The following ATP8B4 variants were observed in gnomAD, a reference collection of about 807,000 sequenced individuals.
The protein encoded by ATP8B4 is ATPase phospholipid transporting 8B4 (putative), also known as probable phospholipid-transporting ATPase IM.
A neutral mutation model predicts 145.6 loss-of-function variants in ATP8B4; 133 were observed. The ratio of observed to expected loss-of-function variants is 0.91; its 90% CI spans 0.79 to 1.05. The LOEUF (loss-of-function observed/expected upper bound fraction) is 1.05. Among genes scored for constraint, ATP8B4 ranks in the 50% least tolerant of loss-of-function variants. The pLI, the probability that ATP8B4 is intolerant of heterozygous loss-of-function variation, is 0.00. For synonymous variants in ATP8B4, 507 were observed against 492.9 expected, an observed-to-expected ratio of 1.03 and a Z score of -0.38; for missense variants, 1,458 against 1,425.2, an observed-to-expected ratio of 1.02 and a Z score of -0.37.
intron 4 of ATP8B4, among the ~76,000 whole-genome samples, chr15:50,044,955 C>G (rs1274159182): frequency 3.3e-5 from 5 of 152,160 alleles, no homozygotes; most frequent in Non-Finnish European, 7.4e-5. Flanking sequence ...CACAGATGAT[C>G]ACTTTCTCCA....
intron 23 of ATP8B4, among the ~76,000 whole-genome samples, chr15:49,889,276 C>T (rs1224523807): frequency 6.6e-6 from 1 of 152,132 alleles, no homozygotes; most frequent in Non-Finnish European, 1.5e-5. Context: ...GGATCAGGAT[C>T]CTCCTCTGTA....
chr15:50,051,707 T>C (rs1355625563), intron 3 of ATP8B4, among the ~76,000 whole-genome samples: 2 of 152,164 alleles, frequency 1.3e-5, no homozygotes, highest in African/African-American at 4.8e-5. Flanking sequence ...TAATTCTGTT[T>C]TATATTTTCC....
At chr15:50,073,015 T>TACACACACAC (rs1471738032) in intron 3 of ATP8B4, among the ~76,000 whole-genome samples, 1 of 35,880 alleles carries the variant, frequency 2.8e-5, no homozygotes, top group African/African-American at 1.3e-4. Context: ...TATATATATA[T>TACACACACAC]ATATACACAC....
upstream of ATP8B4, among the ~76,000 whole-genome samples, chr15:50,120,084 G>A (rs1354295639): frequency 6.6e-6 from 1 of 152,084 alleles, no homozygotes; most frequent in Admixed American, 6.6e-5. Flanking sequence ...AGCCATCTAG[G>A]AATTTTCCAG....
chr15:50,039,642 A>G (rs1304683900), intron 5 of ATP8B4, among the ~76,000 whole-genome samples: 1 of 152,254 alleles, frequency 6.6e-6, no homozygotes, highest in Non-Finnish European at 1.5e-5. Context: ...AAATTAGCCT[A>G]CATGCACAGA....
chr15:49,874,421 CA>C (rs540774021), intron 25 of ATP8B4, among the ~76,000 whole-genome samples: 4 of 152,242 alleles, frequency 2.6e-5, no homozygotes, highest in Admixed American at 2.6e-4. Flanking sequence ...AGGAGCAGAA[CA>C]AAAGCCAGTG....
intron 1 of ATP8B4, among the ~76,000 whole-genome samples, chr15:50,144,963 A>T (rs1487078560): frequency 1.3e-5 from 2 of 152,208 alleles, no homozygotes; most frequent in Non-Finnish European, 2.9e-5. Context: ...TATCGTAGAA[A>T]ATATTTCGTT....
chr15:49,956,669 G>C (rs954688107), intron 14 of ATP8B4, among the ~76,000 whole-genome samples: 4 of 152,070 alleles, frequency 2.6e-5, no homozygotes, highest in African/African-American at 9.7e-5. Context: ...AGCCTCTCAA[G>C]TGTCTAGGAC....
chr15:50,169,192 G>A (rs2044635958), intron 1 of ATP8B4, among the ~76,000 whole-genome samples: 1 of 152,212 alleles, frequency 6.6e-6, no homozygotes, highest in South Asian at 2.1e-4. Flanking sequence ...GATGCTTCCT[G>A]GAAAGTGCCA....
intron 3 of ATP8B4, among the ~76,000 whole-genome samples, chr15:50,062,162 G>A (rs1329928940): frequency 6.6e-6 from 1 of 152,202 alleles, no homozygotes; most frequent in Non-Finnish European, 1.5e-5. Context: ...ATATTGAAAT[G>A]TAATCTCCAG....
chr15:50,046,286 TC>T (rs2051712576), intron 4 of ATP8B4, among the ~76,000 whole-genome samples: 1 of 151,792 alleles, frequency 6.6e-6, no homozygotes, highest in African/African-American at 2.4e-5. Flanking sequence ...TTTCTCTCTC[TC>T]CCCCTCCCCC....
rs2040139674 is a variant in ATP8B4 at position 49,920,314 on chromosome 15, T to G, written c.1855A>C (p.Asn619His). ...TCATCCCTCTCTTCTGTGGCAGCAT[T>G]CGCATCTTCAAGCATCTTATGCCAC... Reference protein sequence around the residue: ...KEWHKMLEDANAATEERDERI... With the variant: ...KEWHKMLEDAHAATEERDERI... Residue 619 changes from asparagine to histidine, a missense_variant, in exon 18 of 28, where the codon AAT becomes CAT. Physicochemically the swap from Asn to His is moderately conservative, Grantham distance 68 (BLOSUM62 1). Transcript: ENST00000284509. 3 of 1,614,062 alleles carry G rather than the reference T, an allele frequency of 1.9e-6. No individual in the cohort carries two copies. The East Asian group carries it at 6.7e-5, about 36-fold the overall frequency.
intron 7 of ATP8B4, among the ~76,000 whole-genome samples, chr15:50,004,827 C>A (rs1424867284): frequency 6.6e-6 from 1 of 152,126 alleles, no homozygotes; most frequent in African/African-American, 2.4e-5. Flanking sequence ...GAGTAAAAAT[C>A]TCTTTGCTTC....
chr15:49,886,927 A>G (rs2036259095), intron 23 of ATP8B4, among the ~76,000 whole-genome samples: 1 of 151,730 alleles, frequency 6.6e-6, no homozygotes. Context: ...CTCCTGCCTC[A>G]GCCTCCCGAG....
At chr15:49,901,445 T>G (rs1006544946) in intron 20 of ATP8B4, among the ~76,000 whole-genome samples, 1 of 152,106 alleles carries the variant, frequency 6.6e-6, no homozygotes, top group Non-Finnish European at 1.5e-5. Context: ...TGTAGGAGAG[T>G]AAACATAATG....
Position 49,859,966 on chromosome 15 carries a change from G to A in ATP8B4, c.*228C>T, listed in dbSNP as rs889679817. The A allele has an allele frequency of 1.3e-5, 6 of 476,122 alleles. No individual in the cohort carries two copies. The highest frequency in any genetic ancestry group is 6.0e-5 in the African/African-American group (3 of 50,164). 29.5% of individuals were successfully genotyped at this position (476,122 alleles called of 1,614,324 possible). A position where few individuals can be genotyped will look rare whatever the true frequency, so the allele number is the denominator to read the frequency against. On this transcript the variant is annotated 3_prime_UTR_variant, in exon 28 of 28. Coordinates refer to ENST00000284509, the MANE Select transcript of ATP8B4 (RefSeq NM_024837.4). Reference sequence around the variant, plus strand: ...AAAAAAAATCTGTACTTGTAACAGCGAGTGTTTTGTCCACCAAATCACAAA... The same window carrying A: ...AAAAAAAATCTGTACTTGTAACAGCAAGTGTTTTGTCCACCAAATCACAAA...
At chr15:50,004,534 G>T (rs1034829795) in intron 7 of ATP8B4, among the ~76,000 whole-genome samples, 1 of 152,168 alleles carries the variant, frequency 6.6e-6, no homozygotes, top group African/African-American at 2.4e-5. Context: ...CCAGAAACTT[G>T]TGTTCCAGGT....
At position 49,897,429 on chromosome 15, in the gene ATP8B4, G is replaced by A; in HGVS notation, c.2560C>T (p.Leu854Phe). 1.9e-6 allele frequency: 3 copies of A among 1,613,920 alleles called. No homozygotes were observed. Among genetic ancestry groups the A allele is most frequent in the Non-Finnish European group, 2.5e-6 (3 of 1,179,878 alleles). Residue 854 changes from leucine (L) to phenylalanine (F), a missense_variant, in exon 23 of 28, where the codon CTC (leucine) becomes TTC (phenylalanine). Transcript: ENST00000284509. ...CCATGAACAAGGAGAAGCCTTTGGA[G>A]ATATCTAAACTGTGCAAATGAATAG... ...SDYSFAQFRY[L>F]QRLLLVHGRW... is the part of the protein sequence containing the mutation.
chr15:50,087,145 T>C (rs1248060307), intron 2 of ATP8B4, among the ~76,000 whole-genome samples: 1 of 127,448 alleles, frequency 7.8e-6, no homozygotes, highest in Non-Finnish European at 1.6e-5. Context: ...CTATATTTAT[T>C]ATATATAATA....
Sources: gnomAD v4.1 joint callset for allele counts (sites outside exome capture counted in the v4.1 genomes callset) on GRCh38, gnomAD v4.1.1 for gene constraint, MANE v1.5 for transcripts, NCBI Gene and HGNC (gene_info 2026-07-23, HGNC 2026-07-21) for gene names.